The following OSBPL9 variants were observed in gnomAD, a reference collection of about 807,000 sequenced individuals.
OSBPL9 encodes the protein oxysterol binding protein like 9, also known as oxysterol-binding protein-related protein 9.
In OSBPL9, 40 loss-of-function variants were observed where a neutral mutation model predicts 106.6. That is an observed-to-expected ratio of 0.38 (90% CI 0.29 to 0.49). OSBPL9 has a LOEUF of 0.49. Among genes scored for constraint, OSBPL9 ranks in the 20% least tolerant of loss-of-function variants. The pLI is 0.97. For missense variants in OSBPL9, 609 were observed against 887.2 expected, an observed-to-expected ratio of 0.69 and a Z score of 3.98; for synonymous variants, 269 against 295.4, an observed-to-expected ratio of 0.91 and a Z score of 0.92.
chr1:51,662,890 G>A (rs1404099430), intron 2 of OSBPL9, among the ~76,000 whole-genome samples: 1 of 151,692 alleles, frequency 6.6e-6, no homozygotes, highest in African/African-American at 2.4e-5. Context: ...GACTACAGGC[G>A]CCCACCACCA....
rs561548647 is a variant in OSBPL9 at position 51,723,691 on chromosome 1, C to T, written c.318+9612C>T. Among the ~76,000 whole-genome samples the T allele has an allele frequency of 7.9e-5, 12 of 152,244 alleles. 1 individual carries two copies. The South Asian group carries it at 2.5e-3, about 32-fold the overall frequency. On this transcript the variant is annotated intron_variant, in intron 4 of 23. Coordinates refer to ENST00000428468, the MANE Select transcript of OSBPL9 (RefSeq NM_024586.6). ...CCTCCTGAGTAGCTGGGATCACAGG[C>T]TCCAGTCATTTTAGTGCTGAATAAT...
At chr1:51,644,967 G>A (rs1355317368) in intron 1 of OSBPL9, among the ~76,000 whole-genome samples, 1 of 152,184 alleles carries the variant, frequency 6.6e-6, no homozygotes, top group Admixed American at 6.5e-5. Context: ...CTGCAACACT[G>A]CAACAGTGTT....
intron 2 of OSBPL9, 111 bp downstream of exon 2, chr1:51,652,152 C>A (rs1356336391): frequency 1.3e-6 from 1 of 754,794 alleles, no homozygotes; most frequent in Non-Finnish European, 2.1e-6. Flanking sequence ...ATTGTTGGGG[C>A]AGGTATCTAA....
At chr1:51,564,759 A>G in the OSBPL9 span, among the ~76,000 whole-genome samples, 1 of 152,184 alleles carries the variant, frequency 6.6e-6, no homozygotes, top group Non-Finnish European at 1.5e-5. Context: ...TATAGTTGTG[A>G]CAGTGCCCTG....
chr1:51,636,218 T>C (rs898957743), intron 1 of OSBPL9, among the ~76,000 whole-genome samples: 1 of 148,110 alleles, frequency 6.8e-6, no homozygotes, highest in East Asian at 2.0e-4. Context: ...TGGAGTTTAG[T>C]GGCATGATCA....
chr1:51,641,142 T>G lies in OSBPL9; in HGVS notation c.112-10849T>G, dbSNP rs1645769176. ...AGCTAAATAGTTCTTAGTATGTTCT[T>G]AAAATTACTTTTTCCTAAGGATTTA... On this transcript the variant is annotated intron_variant, in intron 1 of 23. Coordinates refer to ENST00000428468, the MANE Select transcript of OSBPL9 (RefSeq NM_024586.6). Among the ~76,000 whole-genome samples, 3 of 152,148 alleles carry G rather than the reference T, an allele frequency of 2.0e-5. No individual in the cohort carries two copies. In the South Asian group the frequency reaches 6.2e-4, roughly 31 times the overall value.
At chr1:51,688,170 T>C (rs1186423809) in intron 3 of OSBPL9, among the ~76,000 whole-genome samples, 3 of 152,206 alleles carry the variant, frequency 2.0e-5, no homozygotes, top group Non-Finnish European at 4.4e-5. Flanking sequence ...ATGCCATAAA[T>C]GCAATGTGCA....
rs1432200425 is a variant in OSBPL9 at position 51,788,775 on chromosome 1, A to ATAGAT, written c.*987_*991dup. 6.6e-6 allele frequency among the ~76,000 whole-genome samples: 1 copy of ATAGAT among 152,042 alleles called. No individual in the cohort carries two copies. Among genetic ancestry groups the ATAGAT allele is most frequent in the Non-Finnish European group, 1.5e-5 (1 of 68,042 alleles). ...CCCCACAGTGAACAAAAATAGATAG[A>ATAGAT]TAGATAGAATAAAATGAATGCCACA... On this transcript the variant is annotated 3_prime_UTR_variant, in exon 24 of 24. Transcript: ENST00000428468.
At chr1:51,766,229 A>T (rs905891973) in intron 12 of OSBPL9, among the ~76,000 whole-genome samples, 3 of 152,232 alleles carry the variant, frequency 2.0e-5, no homozygotes, top group Non-Finnish European at 4.4e-5. Context: ...AAGTTAATCC[A>T]AGTGGAATAA....
the OSBPL9 span, among the ~76,000 whole-genome samples, chr1:51,564,300 T>C: frequency 6.6e-6 from 1 of 151,984 alleles, no homozygotes; most frequent in African/African-American, 2.4e-5. Context: ...TTCTTTAAGC[T>C]TAAGTAAGAT....
chr1:51,609,337 C>G (rs1415854083), intron 2 of OSBPL9, among the ~76,000 whole-genome samples: 1 of 149,992 alleles, frequency 6.7e-6, no homozygotes, highest in Non-Finnish European at 1.5e-5. Context: ...GCTACCTTCT[C>G]TCTCCTTTTT....
chr1:51,539,325 C>T, the OSBPL9 span, among the ~76,000 whole-genome samples: 1 of 152,084 alleles, frequency 6.6e-6, no homozygotes, highest in Admixed American at 6.6e-5. Flanking sequence ...TTCCTCAACC[C>T]CCATGTCCAG....
chr1:51,760,562 T>C (rs1367673447), intron 9 of OSBPL9, 128 bp from the exon 10 acceptor site: 2 of 1,386,612 alleles, frequency 1.4e-6, no homozygotes, highest in East Asian at 5.1e-5. Context: ...CATTCCCTCT[T>C]TTCATTTTGA....
chr1:51,737,577 TG>T (rs1665988188), intron 4 of OSBPL9, among the ~76,000 whole-genome samples: 2 of 151,510 alleles, frequency 1.3e-5, no homozygotes, highest in African/African-American at 2.4e-5. Flanking sequence ...TGTGTGTGTG[TG>T]TGTGTACATT....
chr1:51,767,597 A>G (rs1672834305), intron 12 of OSBPL9, among the ~76,000 whole-genome samples: 1 of 152,178 alleles, frequency 6.6e-6, no homozygotes, highest in African/African-American at 2.4e-5. Flanking sequence ...TAAATTTGCA[A>G]GCCAATTACC....
At chr1:51,751,622 C>T (rs1035123419) in intron 8 of OSBPL9, among the ~76,000 whole-genome samples, 9 of 152,244 alleles carry the variant, frequency 5.9e-5, no homozygotes, top group African/African-American at 2.2e-4. Flanking sequence ...CTACAGATAA[C>T]CAGTAAACCA....
intron 1 of OSBPL9, among the ~76,000 whole-genome samples, chr1:51,622,138 G>A (rs140975946): frequency 6.6e-6 from 1 of 152,160 alleles, no homozygotes; most frequent in Admixed American, 6.6e-5. Flanking sequence ...CAGGTTTTCA[G>A]CTTGAGCTGG....
chr1:51,592,201 G>A (rs565181378), intron 1 of OSBPL9, among the ~76,000 whole-genome samples: 50 of 131,914 alleles, frequency 3.8e-4, no homozygotes, highest in Middle Eastern at 4.9e-3. Flanking sequence ...TGCAAGCTCC[G>A]CCTCACAGGT....
chr1:51,533,068 A>C, the OSBPL9 span, among the ~76,000 whole-genome samples: 40 of 152,316 alleles, frequency 2.6e-4, no homozygotes, highest in African/African-American at 8.4e-4. Flanking sequence ...TAAATGGTAG[A>C]TATTTATTAA....
Sources: allele counts gnomAD v4.1 joint callset (sites outside exome capture counted in the v4.1 genomes callset), GRCh38; gene constraint gnomAD v4.1.1; transcripts MANE v1.5; gene names NCBI Gene and HGNC (gene_info 2026-07-23, HGNC 2026-07-21).